The following GSTP1 variants were observed in gnomAD, a reference collection of about 807,000 sequenced individuals.
The protein encoded by GSTP1 is glutathione S-transferase pi 1, also known as glutathione S-transferase P.
In GSTP1, 28 loss-of-function variants were observed where a neutral mutation model predicts 29.4. The observed-to-expected ratio is 0.95, with a 90% CI of 0.71 to 1.30. The LOEUF is 1.30. GSTP1 is among the 50% of genes most tolerant of loss of function. The probability of loss-of-function intolerance (pLI) is 0.00; values close to 1 mark genes in which losing one functional copy is unlikely to be tolerated. For missense variants in GSTP1, 267 were observed against 266.1 expected, an observed-to-expected ratio of 1.00 and a Z score of -0.02; for synonymous variants, 122 against 117.0, an observed-to-expected ratio of 1.04 and a Z score of -0.28.
chr11:67,584,728 T>C lies in GSTP1; in HGVS notation c.188T>C (p.Leu63Pro). The change falls in exon 4 of 7, where the codon CTG becomes CCG. Residue 63 changes from leucine (L) to proline (P), a missense_variant. Physicochemically the swap from Leu to Pro is moderately conservative, Grantham distance 98. Transcript: ENST00000398606. The stretch of plus-strand genomic sequence containing the variant: ...AAGTTCCAGGACGGAGACCTCACCC[T>C]GTACCAGTCCAATACCATCCTGCGT... ...LPKFQDGDLT[L>P]YQSNTILRHL... 3 of 1,613,746 alleles carry C rather than the reference T, an allele frequency of 1.9e-6. No homozygotes were observed. Among genetic ancestry groups the C allele is most frequent in the Non-Finnish European group, 2.5e-6 (3 of 1,179,922 alleles).
intron 1 of GSTP1, 98 bp from the exon 2 acceptor site, chr11:67,584,036 G>T: frequency 1.0e-6 from 1 of 987,900 alleles, no homozygotes; most frequent in Non-Finnish European, 1.5e-6. Context: ...CCTCGGGGAG[G>T]GATGGGACCC....
chr11:67,584,855 C>A lies in GSTP1; in HGVS notation c.232+83C>A, dbSNP rs1867439964. 6 of 1,061,946 alleles carry A rather than the reference C, an allele frequency of 5.7e-6. No individual in the cohort carries two copies. In the African/African-American group the frequency reaches 6.2e-5, roughly 11 times the overall value. The allele number at this position is 1,061,946 out of a possible 1,614,324, so 65.8% of individuals were successfully genotyped here. A position where few individuals can be genotyped will look rare whatever the true frequency, so the allele number is the denominator to read the frequency against. ...CCTTTTGTTTAAATCAGCTGCCCCGCAGCCCTCTGGAGTGGAGGAAACTGA... is the reference window on the plus strand; with the variant it reads ...CCTTTTGTTTAAATCAGCTGCCCCGAAGCCCTCTGGAGTGGAGGAAACTGA... On this transcript the variant is annotated intron_variant, in intron 4 of 6. Transcript: ENST00000398606.
At chr11:67,585,269 T>TG in intron 5 of GSTP1, 28 bp downstream of exon 5, 3 of 1,448,956 alleles carry the variant, frequency 2.1e-6, no homozygotes, top group Non-Finnish European at 2.9e-6. Context: ...GGTTGGGCAC[T>TG]GGGGGCTGAA....
At chr11:67,584,382 C>T (rs895048393) in intron 2 of GSTP1, 82 bp from the exon 3 acceptor site, 1 of 771,376 alleles carries the variant, frequency 1.3e-6, no homozygotes, top group Middle Eastern at 3.8e-4. Context: ...CTGTTCCCTC[C>T]CTGCACTCCT....
rs770009898 is a variant in GSTP1 at position 67,584,788 on chromosome 11, C to G, written c.232+16C>G. ...CGCACCCTTGGTGAGTCTTGAACCT[C>G]CAAGTCCAGGGCAGGCATGGGCAAG... is the stretch of plus-strand genomic sequence containing the variant. On this transcript the variant is annotated intron_variant, in intron 4 of 6. Transcript: ENST00000398606. 6.4e-7 allele frequency: 1 copy of G among 1,571,592 alleles called. No individual in the cohort carries two copies. Among genetic ancestry groups the G allele is most frequent in the Non-Finnish European group, 8.8e-7 (1 of 1,141,522 alleles).
rs1404050687 is a variant in GSTP1 at position 67,584,763 on chromosome 11, C to T, written c.223C>T (p.Arg75Cys). Residue 75 changes from arginine to cysteine, a missense_variant, in exon 4 of 7, where the codon CGC becomes TGC. Arg to Cys is a radical substitution (Grantham distance 180). Transcript: ENST00000398606. ...QSNTILRHLG[R>C]TLGLYGKDQQ... ...CAATACCATCCTGCGTCACCTGGGC[C>T]GCACCCTTGGTGAGTCTTGAACCTC... 5.0e-6 allele frequency: 8 copies of T among 1,609,846 alleles called. No individual in the cohort carries two copies. The highest frequency in any genetic ancestry group is 2.2e-5 in the East Asian group (1 of 44,874).
intron 2 of GSTP1, 24 bp from the exon 3 acceptor site, chr11:67,584,440 T>C: frequency 7.4e-7 from 1 of 1,356,792 alleles, no homozygotes; most frequent in Non-Finnish European, 1.0e-6. Context: ...GGTCCCCACA[T>C]CTCGTACTTC....
At chr11:67,584,925 C>T in intron 4 of GSTP1, 153 bp downstream of exon 4, 2 of 679,504 alleles carry the variant, frequency 2.9e-6, no homozygotes, top group Non-Finnish European at 5.1e-6. Context: ...AGCCTGGGTG[C>T]CTGCAATCCT....
chr11:67,586,467 C>G lies in GSTP1; in HGVS notation c.523C>G (p.Pro175Ala), dbSNP rs1459434861. The stretch of plus-strand genomic sequence containing the variant: ...AGCCCCTGGCTGCCTGGATGCGTTC[C>G]CCCTGCTCTCAGCATATGTGGGGCG... ...VLAPGCLDAF[P>A]LLSAYVGRLS... Residue 175 changes from proline (P) to alanine (A), a missense_variant, in exon 7 of 7, where the codon CCC (proline) becomes GCC (alanine). Coordinates refer to ENST00000398606, the MANE Select transcript of GSTP1 (RefSeq NM_000852.4). 6.2e-7 allele frequency: 1 copy of G among 1,614,072 alleles called. No homozygotes were observed. The highest frequency in any genetic ancestry group is 1.3e-5 in the African/African-American group (1 of 74,952).
chr11:67,586,268 A>G, intron 6 of GSTP1, 57 bp downstream of exon 6: 2 of 1,527,618 alleles, frequency 1.3e-6, no homozygotes, highest in East Asian at 2.3e-5. Context: ...CCAGATGGAC[A>G]CAGGTGTGAG....
Position 67,584,497 on chromosome 11 carries a change from A to C in GSTP1, c.71A>C (p.Asp24Ala). Residue 24 changes from aspartate (D) to alanine (A), a missense_variant, in exon 3 of 7, where the codon GAT becomes GCT. By Grantham distance (126) the Asp-to-Ala change is moderately radical. Transcript: ENST00000398606. The stretch of plus-strand genomic sequence containing the variant: ...GCGGCCCTGCGCATGCTGCTGGCAG[A>C]TCAGGGCCAGAGCTGGAAGGAGGAG... ...RCAALRMLLA[D>A]QGQSWKEEVV... 6.4e-7 allele frequency: 1 copy of C among 1,563,012 alleles called. No homozygotes were observed. The highest frequency in any genetic ancestry group is 1.9e-5 in the Admixed American group (1 of 51,590).
At position 67,586,212 on chromosome 11, in the gene GSTP1, G is replaced by C; in HGVS notation, c.444+1G>C. On this transcript the variant is annotated splice_donor_variant, in intron 6 of 6. Coordinates refer to ENST00000398606, the MANE Select transcript of GSTP1 (RefSeq NM_000852.4). LOFTEE classifies it high-confidence loss of function. ...CAAGACCTTCATTGTGGGAGACCAG[G>C]TGAGCATCTGGCCCCATGCTGTTCC... The C allele has an allele frequency of 6.2e-7, 1 of 1,602,374 alleles. No individual in the cohort carries two copies. The highest frequency in any genetic ancestry group is 8.6e-7 in the Non-Finnish European group (1 of 1,169,562).
At chr11:67,584,385 G>T in intron 2 of GSTP1, 79 bp from the exon 3 acceptor site, 1 of 786,352 alleles carries the variant, frequency 1.3e-6, no homozygotes, top group Non-Finnish European at 2.1e-6. Flanking sequence ...TTCCCTCCCT[G>T]CACTCCTGAC....
chr11:67,584,565 T>G lies in GSTP1; in HGVS notation c.139T>G (p.Ser47Ala). The change falls in exon 3 of 7, where the codon TCC (serine) becomes GCC (alanine). Residue 47 changes from serine (S) to alanine (A), a missense_variant. Ser to Ala is a moderately conservative substitution (Grantham distance 99, BLOSUM62 1). Transcript: ENST00000398606. The part of the protein sequence containing the change: ...ETWQEGSLKA[S>A]CLYGQLPKFQ... Reference sequence around the variant, plus strand: ...GTGGCAGGAGGGCTCACTCAAAGCCTCCTGCGTAAGTGACCATGCCCGGGC... The same window carrying G: ...GTGGCAGGAGGGCTCACTCAAAGCCGCCTGCGTAAGTGACCATGCCCGGGC... The G allele has an allele frequency of 6.2e-7, 1 of 1,601,704 alleles. No homozygotes were observed. The highest frequency in any genetic ancestry group is 8.5e-7 in the Non-Finnish European group (1 of 1,171,052).
At chr11:67,585,321 C>T in intron 5 of GSTP1, 80 bp downstream of exon 5, 1 of 1,013,846 alleles carries the variant, frequency 9.9e-7, no homozygotes, top group Non-Finnish European at 1.5e-6. Context: ...CCTTACCCCT[C>T]AGGTGGCTTG....
At position 67,584,681 on chromosome 11, in the gene GSTP1, A is replaced by C. The variant is rs778020351; in HGVS notation, c.145-4A>C. 6.2e-6 allele frequency: 10 copies of C among 1,612,812 alleles called. No homozygotes were observed. Among genetic ancestry groups the C allele is most frequent in the Non-Finnish European group, 8.5e-6 (10 of 1,179,026 alleles). On this transcript the variant is annotated splice_polypyrimidine_tract_variant and splice_region_variant and intron_variant, in intron 3 of 6. Transcript: ENST00000398606. Reference sequence around the variant, plus strand: ...CCCTCCCTGAGCCATGCCTCCCCCAACAGCTATACGGGCAGCTCCCCAAGT... The same window carrying C: ...CCCTCCCTGAGCCATGCCTCCCCCACCAGCTATACGGGCAGCTCCCCAAGT...
At chr11:67,585,385 G>C in intron 5 of GSTP1, 144 bp downstream of exon 5, 1 of 605,524 alleles carries the variant, frequency 1.7e-6, no homozygotes, top group Non-Finnish European at 2.9e-6. Flanking sequence ...CTGGGCCAGG[G>C]GCCCAGGGGC....
In GSTP1 at chr11:67,586,397, C is replaced by G. The variant is rs777261816; in HGVS notation, c.453C>G (p.Phe151Leu). 1.2e-6 allele frequency: 2 copies of G among 1,612,960 alleles called. No individual in the cohort carries two copies. Among genetic ancestry groups the G allele is most frequent in the African/African-American group, 2.7e-5 (2 of 74,920 alleles). The change falls in exon 7 of 7, where the codon TTC becomes TTG. Residue 151 changes from phenylalanine (F) to leucine (L), a missense_variant. By Grantham distance (22) the Phe-to-Leu change is conservative. Transcript: ENST00000398606. The part of the protein sequence containing the change: ...KTFIVGDQIS[F>L]ADYNLLDLLL... ...GCCCCCCTGCCCTGCAGATCTCCTT[C>G]GCTGACTACAACCTGCTGGACTTGC...
chr11:67,585,227 A>T lies in GSTP1; in HGVS notation c.322A>T (p.Ile108Phe), dbSNP rs199833944. 5.0e-6 allele frequency: 8 copies of T among 1,603,794 alleles called. No homozygotes were observed. The highest frequency in any genetic ancestry group is 6.0e-6 in the Non-Finnish European group (7 of 1,170,806). Residue 108 changes from isoleucine to phenylalanine, a missense_variant, in exon 5 of 7, where the codon ATC becomes TTC. By Grantham distance (21) the Ile-to-Phe change is conservative. Coordinates refer to ENST00000398606, the MANE Select transcript of GSTP1 (RefSeq NM_000852.4). ...EDLRCKYISL[I>F]YTNYEAGKDD... ...CCTCCGCTGCAAATACATCTCCCTC[A>T]TCTACACCAACTATGTGAGCATCTG...
Sources: gnomAD v4.1 joint callset for allele counts on GRCh38, gnomAD v4.1.1 for gene constraint, MANE v1.5 for transcripts, NCBI Gene and HGNC (gene_info 2026-07-23, HGNC 2026-07-21) for gene names.